The following JAK2 variants were observed in gnomAD, a reference collection of about 807,000 sequenced individuals.
JAK2 encodes Janus kinase 2.
Under a neutral mutation model 139.3 loss-of-function variants are expected in JAK2, and 86 were observed. That is an observed-to-expected ratio of 0.62 (90% CI 0.52 to 0.74). The LOEUF (loss-of-function observed/expected upper bound fraction) is 0.74. Among genes scored for constraint, JAK2 ranks in the 30% least tolerant of loss-of-function variants. JAK2 has a pLI of 0.00. For missense variants in JAK2, 1,421 were observed against 1,360.3 expected (o/e 1.04, Z -0.70); for synonymous variants, 490 against 437.7 (o/e 1.12, Z -1.49).
At chr9:5,063,452 A>G (rs1818331944) in intron 8 of JAK2, among the ~76,000 whole-genome samples, 1 of 152,028 alleles carries the variant, frequency 6.6e-6, no homozygotes, top group Non-Finnish European at 1.5e-5. Context: ...GTCAGCTGTA[A>G]TTTTTGGTCA....
chr9:5,040,560 CATAT>C (rs1473485836), intron 4 of JAK2, among the ~76,000 whole-genome samples: 1 of 152,236 alleles, frequency 6.6e-6, no homozygotes, highest in Non-Finnish European at 1.5e-5. Flanking sequence ...GTTTGGGAAT[CATAT>C]ATCTGATAAT....
chr9:5,045,704 T>C (rs1816961676), intron 5 of JAK2, among the ~76,000 whole-genome samples: 1 of 152,246 alleles, frequency 6.6e-6, no homozygotes. Flanking sequence ...TCACTTAGCA[T>C]AATGTCTGTC....
At chr9:5,052,010 T>C (rs974977240) in intron 6 of JAK2, among the ~76,000 whole-genome samples, 2 of 152,110 alleles carry the variant, frequency 1.3e-5, no homozygotes, top group Non-Finnish European at 2.9e-5. Context: ...ACTTATTGAA[T>C]ACTTGCTGTA....
At chr9:5,078,906 C>G (rs142012732) in intron 16 of JAK2, among the ~76,000 whole-genome samples, 1 of 152,226 alleles carries the variant, frequency 6.6e-6, no homozygotes, top group East Asian at 1.9e-4. Context: ...GTTTGTTCAT[C>G]TTTACTACTT....
chr9:5,036,993 A>G (rs1816087631), intron 4 of JAK2, among the ~76,000 whole-genome samples: 2 of 152,214 alleles, frequency 1.3e-5, no homozygotes, highest in Non-Finnish European at 2.9e-5. Flanking sequence ...CAGAATATAC[A>G]ATGAACTCTA....
chr9:5,091,932 T>C (rs1256583300), intron 22 of JAK2, among the ~76,000 whole-genome samples: 1 of 151,892 alleles, frequency 6.6e-6, no homozygotes. Flanking sequence ...AGTGGTATAG[T>C]TGTTTGGGGG....
rs1823026201 is a variant in JAK2, at chr9:5,029,822, G to C, written c.266G>C (p.Ser89Thr). 1 of 1,611,256 alleles carries C rather than the reference G, an allele frequency of 6.2e-7. No homozygotes were observed. The highest frequency in any genetic ancestry group is 1.7e-5 in the Admixed American group (1 of 59,876). The change falls in exon 4 of 25, where the codon AGT becomes ACT. Residue 89 changes from serine to threonine, a missense_variant. Ser to Thr is a moderately conservative substitution (Grantham distance 58). Transcript: ENST00000381652. ...PVYHNMFALMSETERIWYPPN... is the reference protein window; with the variant it reads ...PVYHNMFALMTETERIWYPPN... ...TATCATAATATGTTTGCTTTAATGA[G>C]TGAAACAGAAAGGATCTGGTATCCA...
chr9:5,060,982 T>G (rs1818128969), intron 8 of JAK2, among the ~76,000 whole-genome samples: 1 of 152,242 alleles, frequency 6.6e-6, no homozygotes, highest in Admixed American at 6.5e-5. Context: ...TACATCTCTG[T>G]CAGAGCGCTT....
Position 5,102,412 on chromosome 9 carries a change from T to C in JAK2, c.3059+11501T>C, listed in dbSNP as rs533795537. ...CTATGTGAAAAGACCAAATCTACAT[T>C]TGATTGTTGTACCTGAAAGTGACGG... On this transcript the variant is annotated intron_variant, in intron 22 of 24. Transcript: ENST00000381652. Among the ~76,000 whole-genome samples, 452 of 152,240 alleles carry C rather than the reference T, an allele frequency of 3.0e-3. 1 individual carries two copies. The highest frequency in any genetic ancestry group is 0.01 in the African/African-American group (434 of 41,530).
At chr9:5,024,577 C>T (rs1822654340) in intron 3 of JAK2, among the ~76,000 whole-genome samples, 1 of 152,066 alleles carries the variant, frequency 6.6e-6, no homozygotes, top group Non-Finnish European at 1.5e-5. Context: ...TTTCTACTCT[C>T]CAATACATAG....
intron 19 of JAK2, among the ~76,000 whole-genome samples, chr9:5,088,883 T>TATC (rs1275709503): frequency 1.3e-5 from 2 of 152,230 alleles, no homozygotes; most frequent in African/African-American, 4.8e-5. Flanking sequence ...CACAAGGCCC[T>TATC]ATCTCCAAAT....
chr9:5,024,222 C>T (rs1822627411), intron 3 of JAK2, among the ~76,000 whole-genome samples: 1 of 152,112 alleles, frequency 6.6e-6, no homozygotes, highest in Admixed American at 6.5e-5. Flanking sequence ...CGCCACTGCA[C>T]TCCAGCCTGG....
In JAK2 at chr9:5,129,905, A is replaced by G. The variant is rs1208932156; in HGVS notation, c.*3114A>G. ...TTAAAATATTTACTTTTATAATCTT[A>G]CCTTTTATTTCAATATAAATAAAAT... is the stretch of plus-strand genomic sequence containing the variant. On this transcript the variant is annotated 3_prime_UTR_variant, in exon 25 of 25. Coordinates refer to ENST00000381652, the MANE Select transcript of JAK2 (RefSeq NM_004972.4). Among the ~76,000 whole-genome samples, 1 of 152,156 alleles carries G rather than the reference A, an allele frequency of 6.6e-6. No homozygotes were observed. Among genetic ancestry groups the G allele is most frequent in the Non-Finnish European group, 1.5e-5 (1 of 67,994 alleles).
chr9:5,006,305 G>A (rs1449338704), intron 2 of JAK2, among the ~76,000 whole-genome samples: 2 of 152,176 alleles, frequency 1.3e-5, no homozygotes, highest in Non-Finnish European at 2.9e-5. Context: ...TGTTATTGGT[G>A]TATAAGAATG....
chr9:5,103,260 GA>G (rs1355456341), intron 22 of JAK2, among the ~76,000 whole-genome samples: 3 of 117,876 alleles, frequency 2.5e-5, no homozygotes, highest in Non-Finnish European at 5.0e-5. Flanking sequence ...AAAAAAGCAG[GA>G]GTTGCAATCC....
At chr9:5,073,041 G>A (rs1462749249) in intron 13 of JAK2, among the ~76,000 whole-genome samples, 1 of 152,188 alleles carries the variant, frequency 6.6e-6, no homozygotes, top group Admixed American at 6.5e-5. Context: ...ATCATCCAGA[G>A]ATGCTAGCTG....
At chr9:5,090,299 TAAC>T (rs1159593285) in intron 20 of JAK2, 144 bp from the exon 21 acceptor site, 6 of 491,356 alleles carry the variant, frequency 1.2e-5, no homozygotes, top group Non-Finnish European at 2.0e-5. Flanking sequence ...ACTATGTTCT[TAAC>T]AACTATATCA....
chr9:5,108,471 C>T (rs896941443), intron 22 of JAK2: 1 of 151,970 alleles, frequency 6.6e-6, no homozygotes, highest in African/African-American at 2.4e-5. Flanking sequence ...ATTTACTGAC[C>T]AAGAACTGTT....
At chr9:5,119,526 G>GAT (rs1019563586) in intron 22 of JAK2, among the ~76,000 whole-genome samples, 24 of 151,878 alleles carry the variant, frequency 1.6e-4, no homozygotes, top group African/African-American at 5.8e-4. Context: ...AGCTGAAGAT[G>GAT]ATATATATAT....
Sources: allele counts gnomAD v4.1 joint callset (sites outside exome capture counted in the v4.1 genomes callset), GRCh38; gene constraint gnomAD v4.1.1; transcripts MANE v1.5; gene names NCBI Gene and HGNC (gene_info 2026-07-23, HGNC 2026-07-21).